Variants in PCDHGA6 observed in about 807,000 individuals in gnomAD.
The protein encoded by PCDHGA6 is protocadherin gamma subfamily A, 6.
In PCDHGA6, 41 loss-of-function variants were observed where a neutral mutation model predicts 60.6. The observed-to-expected ratio is 0.68, with a 90% CI of 0.53 to 0.88. The LOEUF (loss-of-function observed/expected upper bound fraction) is 0.88, where lower values mean the gene tolerates loss of function less well. Ranked by LOEUF, PCDHGA6 falls within the 40% of genes least tolerant of loss-of-function variation. The pLI, the probability that PCDHGA6 is intolerant of heterozygous loss-of-function variation, is 0.00. For missense variants in PCDHGA6, 1,312 were observed against 1,203.0 expected, an observed-to-expected ratio of 1.09 and a Z score of -1.34; for synonymous variants, 594 against 524.4, an observed-to-expected ratio of 1.13 and a Z score of -1.81.
intron 1 of PCDHGA6, chr5:141,389,735 G>A: frequency 6.2e-7 from 1 of 1,612,708 alleles, no homozygotes; most frequent in Non-Finnish European, 8.5e-7. Flanking sequence ...TCTTCAGCCT[G>A]GGGCTGCGCA....
At chr5:141,413,406 G>A (rs2095636376) in intron 1 of PCDHGA6, 1 of 1,613,950 alleles carries the variant, frequency 6.2e-7, no homozygotes, top group Non-Finnish European at 8.5e-7. Context: ...GTAGGACGCA[G>A]CTTTTCTCTC....
chr5:141,410,849 C>CTTTTTTTTCTTTTTT (rs2095433387), intron 1 of PCDHGA6: 1 of 129,786 alleles, frequency 7.7e-6, no homozygotes, highest in African/African-American at 6.0e-5. Context: ...TTGTCTTTGT[C>CTTTTTTTTCTTTTTT]TTTTTTTTTT....
intron 1 of PCDHGA6, chr5:141,419,732 G>A (rs2096422854): frequency 6.2e-7 from 1 of 1,613,792 alleles, no homozygotes; most frequent in Non-Finnish European, 8.5e-7. Flanking sequence ...GCGAACAGGC[G>A]AGGTGCGCAT....
intron 1 of PCDHGA6, chr5:141,392,819 C>T (rs1346235587): frequency 1.4e-5 from 22 of 1,590,378 alleles, no homozygotes; most frequent in Non-Finnish European, 8.6e-6. Flanking sequence ...CAACAATGGC[C>T]GCTCCACAGA....
chr5:141,417,663 C>T (rs2096144136), intron 1 of PCDHGA6: 8 of 901,900 alleles, frequency 8.9e-6, no homozygotes, highest in Non-Finnish European at 1.3e-5. Flanking sequence ...CCTGGGATTC[C>T]CTGCGCAGCC....
chr5:141,449,592 A>C (rs1344646010), intron 1 of PCDHGA6, among the ~76,000 whole-genome samples: 1 of 150,266 alleles, frequency 6.7e-6, no homozygotes, highest in African/African-American at 2.4e-5. Context: ...CTGTCTCAAA[A>C]AAAAAAAAAA....
intron 3 of PCDHGA6, among the ~76,000 whole-genome samples, chr5:141,506,866 T>C (rs1182560001): frequency 2.6e-5 from 4 of 152,104 alleles, no homozygotes; most frequent in Admixed American, 2.6e-4. Context: ...GACTGGTGGG[T>C]AGAGAACCAG....
chr5:141,414,519 T>C (rs754685087), intron 1 of PCDHGA6: 6 of 1,613,856 alleles, frequency 3.7e-6, no homozygotes, highest in Non-Finnish European at 5.1e-6. Context: ...AAGTGGCAGA[T>C]ATCAATGACA....
intron 1 of PCDHGA6, chr5:141,399,563 T>G: frequency 6.2e-7 from 1 of 1,614,054 alleles, no homozygotes; most frequent in Non-Finnish European, 8.5e-7. Flanking sequence ...GACTTGGGGT[T>G]GAACGGCCAA....
At chr5:141,507,016 G>C (rs913170594) in intron 3 of PCDHGA6, 1 of 152,166 alleles carries the variant, frequency 6.6e-6, no homozygotes, top group African/African-American at 2.4e-5. Context: ...AACCGAGAAG[G>C]CACTTGCCCC....
At chr5:141,387,891 A>T (rs774395551) in intron 1 of PCDHGA6, 36 of 1,554,882 alleles carry the variant, frequency 2.3e-5, no homozygotes, top group Non-Finnish European at 2.9e-5. Context: ...AGGGATGGGG[A>T]GCGGCGCCGG....
Position 141,374,039 on chromosome 5 carries a change from G to T in PCDHGA6, c.-45G>T, listed in dbSNP as rs187674758. On this transcript the variant is annotated 5_prime_UTR_variant, in exon 1 of 4. Transcript: ENST00000517434. Reference sequence around the variant, plus strand: ...AGAAGAGCAAAAGTGATGCAGATCTGTTCTTCCTCTTCTTAATCCCAGAGA... The same window carrying T: ...AGAAGAGCAAAAGTGATGCAGATCTTTTCTTCCTCTTCTTAATCCCAGAGA... The T allele has an allele frequency of 5.9e-5, 86 of 1,456,944 alleles. No individual in the cohort carries two copies. The highest frequency in any genetic ancestry group is 2.5e-4 in the Middle Eastern group (1 of 4,030). 90.3% of individuals were successfully genotyped at this position (1,456,944 alleles called of 1,614,324 possible).
chr5:141,428,043 A>G, intron 1 of PCDHGA6: 1 of 1,608,722 alleles, frequency 6.2e-7, no homozygotes, highest in Non-Finnish European at 8.5e-7. Flanking sequence ...CTACCTGGTG[A>G]CCAAGGTGGT....
chr5:141,417,754 C>A, intron 1 of PCDHGA6: 2 of 1,431,302 alleles, frequency 1.4e-6, no homozygotes, highest in Non-Finnish European at 1.8e-6. Flanking sequence ...TTGCCAGCTC[C>A]GAGACCCGGG....
chr5:141,423,969 C>G, intron 1 of PCDHGA6: 1 of 1,147,718 alleles, frequency 8.7e-7, no homozygotes, highest in Non-Finnish European at 1.1e-6. Flanking sequence ...TTTCTATTAT[C>G]AGTGTATGAG....
At chr5:141,500,475 C>T (rs1193752670) in intron 2 of PCDHGA6, among the ~76,000 whole-genome samples, 1 of 152,024 alleles carries the variant, frequency 6.6e-6, no homozygotes, top group African/African-American at 2.4e-5. Flanking sequence ...TCCCAAAGTG[C>T]TGGGATTACA....
chr5:141,425,869 C>G (rs1376765137), intron 1 of PCDHGA6, among the ~76,000 whole-genome samples: 1 of 152,198 alleles, frequency 6.6e-6, no homozygotes, highest in Non-Finnish European at 1.5e-5. Flanking sequence ...TATAGATTCC[C>G]ATCTCTAAGG....
Position 141,415,114 on chromosome 5 carries a change from G to A in PCDHGA6, c.2424+38607G>A, listed in dbSNP as rs186848544. On this transcript the variant is annotated intron_variant, in intron 1 of 3. Transcript: ENST00000517434. Reference sequence around the variant, plus strand: ...CAGAGACGCGCTCAAGCAAAGCCTCGTAGTGGCCGTCCAGGACCACGGCCA... The same window carrying A: ...CAGAGACGCGCTCAAGCAAAGCCTCATAGTGGCCGTCCAGGACCACGGCCA... 1.7e-5 allele frequency: 28 copies of A among 1,613,646 alleles called. No homozygotes were observed. In the African/African-American group the frequency reaches 2.7e-4, roughly 15 times the overall value.
chr5:141,385,308 C>A, intron 1 of PCDHGA6: 1 of 1,612,216 alleles, frequency 6.2e-7, no homozygotes, highest in Non-Finnish European at 8.5e-7. Context: ...GTAAAGAAAA[C>A]CTGCCAAGTA....
Sources: gnomAD v4.1 joint callset for allele counts (sites outside exome capture counted in the v4.1 genomes callset) on GRCh38, gnomAD v4.1.1 for gene constraint, MANE v1.5 for transcripts, NCBI Gene and HGNC (gene_info 2026-07-23, HGNC 2026-07-21) for gene names.